FAM47E: variants seen among roughly 807,000 people sequenced by gnomAD.
The protein encoded by FAM47E is family with sequence similarity 47 member E.
A neutral mutation model predicts 41.6 loss-of-function variants in FAM47E; 32 were observed. The observed-to-expected ratio is 0.77, with a 90% CI of 0.58 to 1.03. The LOEUF (loss-of-function observed/expected upper bound fraction) is 1.03, where lower values mean the gene tolerates loss of function less well. Ranked by LOEUF, FAM47E falls within the 50% of genes least tolerant of loss-of-function variation. The pLI is 0.00. For missense variants in FAM47E, 424 were observed against 485.4 expected (o/e 0.87, Z 1.19); for synonymous variants, 184 against 188.7 (o/e 0.98, Z 0.20).
chr4:76,240,346 T>C (rs374196362), intron 2 of FAM47E, among the ~76,000 whole-genome samples: 28 of 152,352 alleles, frequency 1.8e-4, no homozygotes, highest in African/African-American at 6.5e-4. Context: ...CAGCTTTTAA[T>C]AGTTTGATGG....
At chr4:76,220,247 G>A (rs149533732) in intron 2 of FAM47E, among the ~76,000 whole-genome samples, 9 of 152,270 alleles carry the variant, frequency 5.9e-5, no homozygotes, top group African/African-American at 7.2e-5. Flanking sequence ...GTCAAAAGGT[G>A]GAACCGACCC....
At chr4:76,269,043 T>C in intron 4 of FAM47E, 1 of 393,656 alleles carries the variant, frequency 2.5e-6, no homozygotes, top group South Asian at 6.8e-5. Context: ...ATTGCAGCTG[T>C]TTCATATTTT....
Position 76,280,398 on chromosome 4 carries a change from T to C in FAM47E, c.1104+57T>C. On this transcript the variant is annotated intron_variant, in intron 7 of 7. Coordinates refer to ENST00000424749, the MANE Select transcript of FAM47E (RefSeq NM_001136570.3). ...TGAGGGGCTTCATGGCTCACAGTTG[T>C]TGACGGGAAGAGGTTATGACCCTGA... 4.9e-6 allele frequency: 5 copies of C among 1,029,682 alleles called. No individual in the cohort carries two copies. In the South Asian group the frequency reaches 7.4e-5, roughly 15 times the overall value. The allele number at this position is 1,029,682 out of a possible 1,614,324, so 63.8% of individuals were successfully genotyped here. A position where few individuals can be genotyped will look rare whatever the true frequency, so the allele number is the denominator to read the frequency against.
chr4:76,251,553 CTCT>C, upstream of FAM47E: 1 of 1,160,250 alleles, frequency 8.6e-7, no homozygotes, highest in Admixed American at 4.2e-5. Context: ...GACCGGTACC[CTCT>C]CCCTTCCCTC....
chr4:76,268,498 A>G lies in FAM47E; in HGVS notation c.561-162A>G, dbSNP rs1378774094. 4.7e-6 allele frequency: 3 copies of G among 634,378 alleles called. No homozygotes were observed. In the East Asian group the frequency reaches 8.8e-5, roughly 19 times the overall value. 39.3% of individuals were successfully genotyped at this position (634,378 alleles called of 1,614,324 possible). A position where few individuals can be genotyped will look rare whatever the true frequency, so the allele number is the denominator to read the frequency against. ...ACTTGTCTTTATGATATTCGTAATG[A>G]GAATGTGCTCTTTGAAAAATTAAAA... On this transcript the variant is annotated intron_variant, in intron 3 of 7. Coordinates refer to ENST00000424749, the MANE Select transcript of FAM47E (RefSeq NM_001136570.3).
chr4:76,237,609 G>A (rs188650662), intron 2 of FAM47E, among the ~76,000 whole-genome samples: 1 of 152,214 alleles, frequency 6.6e-6, no homozygotes, highest in African/African-American at 2.4e-5. Flanking sequence ...AACTGAGACT[G>A]GGTAATTTCT....
intron 1 of FAM47E, among the ~76,000 whole-genome samples, chr4:76,254,309 CT>C (rs1560741362): frequency 1.3e-5 from 2 of 152,072 alleles, no homozygotes; most frequent in Non-Finnish European, 2.9e-5. Flanking sequence ...TCATGAAGTG[CT>C]TGGATGCATG....
intron 2 of FAM47E, among the ~76,000 whole-genome samples, chr4:76,218,563 G>T (rs1051345023): frequency 6.6e-6 from 1 of 152,194 alleles, no homozygotes; most frequent in Admixed American, 6.5e-5. Context: ...CCAACTAGGG[G>T]AATCTTTTCC....
At chr4:76,281,721 A>G (rs890088762) in intron 7 of FAM47E, 2 of 151,906 alleles carry the variant, frequency 1.3e-5, no homozygotes, top group African/African-American at 4.8e-5. Context: ...GTTCATGAAC[A>G]TTTAGTTCAG....
intron 5 of FAM47E, among the ~76,000 whole-genome samples, chr4:76,276,411 C>T (rs183211349): frequency 1.6e-4 from 19 of 119,222 alleles, no homozygotes; most frequent in Admixed American, 3.3e-4. Flanking sequence ...CTCACTCTGT[C>T]GCCCAGGCTG....
intron 1 of FAM47E, among the ~76,000 whole-genome samples, chr4:76,253,851 G>A (rs573844695): frequency 1.1e-4 from 16 of 151,108 alleles, no homozygotes; most frequent in South Asian, 2.1e-4. Flanking sequence ...AGTGGCTCGC[G>A]CCTGTAATCC....
intron 2 of FAM47E, among the ~76,000 whole-genome samples, chr4:76,237,204 T>C (rs1483584265): frequency 6.6e-6 from 1 of 152,100 alleles, no homozygotes; most frequent in Non-Finnish European, 1.5e-5. Flanking sequence ...CATAAAATGT[T>C]TCTTATCAGA....
chr4:76,243,048 A>G (rs775237972), intron 2 of FAM47E, among the ~76,000 whole-genome samples: 2 of 152,198 alleles, frequency 1.3e-5, no homozygotes, highest in African/African-American at 2.4e-5. Context: ...AGCATTAGTA[A>G]TGTACCCCAG....
chr4:76,261,665 C>T (rs1367066119), intron 2 of FAM47E, among the ~76,000 whole-genome samples: 1 of 151,970 alleles, frequency 6.6e-6, no homozygotes, highest in Non-Finnish European at 1.5e-5. Context: ...ACACTGGGGC[C>T]TCCAAAAAGG....
chr4:76,268,984 G>A, intron 4 of FAM47E: 1 of 542,822 alleles, frequency 1.8e-6, no homozygotes, highest in Admixed American at 4.0e-5. Flanking sequence ...TTTCTGGAAA[G>A]GTTGCAAACT....
At chr4:76,245,973 C>T (rs1733818284) in intron 2 of FAM47E, among the ~76,000 whole-genome samples, 1 of 152,170 alleles carries the variant, frequency 6.6e-6, no homozygotes, top group Non-Finnish European at 1.5e-5. Context: ...AGAAATGCTC[C>T]TGTTGACTAT....
intron 2 of FAM47E, among the ~76,000 whole-genome samples, chr4:76,235,543 A>G (rs917145926): frequency 6.6e-6 from 1 of 152,164 alleles, no homozygotes; most frequent in Non-Finnish European, 1.5e-5. Context: ...TTTGAAAAAA[A>G]ACCTGGAAAA....
At chr4:76,276,347 G>A (rs1172295213) in intron 5 of FAM47E, among the ~76,000 whole-genome samples, 1 of 93,584 alleles carries the variant, frequency 1.1e-5, no homozygotes, top group Non-Finnish European at 2.5e-5. Flanking sequence ...ACTGTTGGGA[G>A]GGGGTTACTT....
intron 1 of FAM47E, among the ~76,000 whole-genome samples, chr4:76,252,226 C>T (rs1225603884): frequency 6.6e-6 from 1 of 152,132 alleles, no homozygotes; most frequent in Non-Finnish European, 1.5e-5. Flanking sequence ...ATCTGCTGCC[C>T]CTGGAGCCTT....
Sources: allele counts gnomAD v4.1 joint callset (sites outside exome capture counted in the v4.1 genomes callset), GRCh38; gene constraint gnomAD v4.1.1; transcripts MANE v1.5; gene names NCBI Gene and HGNC (gene_info 2026-07-23, HGNC 2026-07-21).